Variants in ADGRE3 observed in about 807,000 individuals in gnomAD.
ADGRE3 encodes the protein EGF-like module receptor 3.
ADGRE3 carries 88 observed loss-of-function variants against 80.1 expected under a neutral mutation model. The observed-to-expected ratio is 1.10, with a 90% confidence interval of 0.93 to 1.31. ADGRE3 has a LOEUF of 1.31. Among genes scored for constraint, ADGRE3 ranks in the 40% most tolerant of loss-of-function variants. The pLI, the probability that ADGRE3 is intolerant of heterozygous loss-of-function variation, is 0.00. For missense variants in ADGRE3, 715 were observed against 776.5 expected (o/e 0.92, Z 0.94); for synonymous variants, 281 against 294.8 (o/e 0.95, Z 0.48).
At chr19:14,655,990 G>C (rs1483151536) in intron 5 of ADGRE3, among the ~76,000 whole-genome samples, 2 of 152,008 alleles carry the variant, frequency 1.3e-5, no homozygotes, top group Non-Finnish European at 1.5e-5. Context: ...CTTGCGCCAA[G>C]ATGAAGGACA....
chr19:14,605,829 C>G, the ADGRE3 span, among the ~76,000 whole-genome samples: 1 of 152,132 alleles, frequency 6.6e-6, no homozygotes, highest in Non-Finnish European at 1.5e-5. Context: ...GCCTTGAACT[C>G]CTGGGCTTAA....
intron 5 of ADGRE3, among the ~76,000 whole-genome samples, chr19:14,655,837 G>T (rs7255012): frequency 0.8 from 121,443 of 151,788 alleles, 49,212 homozygotes; most frequent in African/African-American, 0.94. Flanking sequence ...GGTTCTCAAC[G>T]GGGGGGTGAT....
intron 15 of ADGRE3, among the ~76,000 whole-genome samples, chr19:14,621,426 G>A (rs1363642711): frequency 6.6e-6 from 1 of 151,802 alleles, no homozygotes; most frequent in African/African-American, 2.4e-5. Flanking sequence ...CTGTATTCTA[G>A]CCTGGGTGAT....
the ADGRE3 span, among the ~76,000 whole-genome samples, chr19:14,611,371 C>CTT: frequency 9.2e-3 from 695 of 75,914 alleles, 9 homozygotes; most frequent in Admixed American, 0.015. Flanking sequence ...AACTTCTATC[C>CTT]TTTTTTTTTT....
At chr19:14,665,253 G>A (rs752136773) in intron 2 of ADGRE3, among the ~76,000 whole-genome samples, 2 of 151,422 alleles carry the variant, frequency 1.3e-5, no homozygotes, top group Admixed American at 6.6e-5. Context: ...TAGTAGAGGC[G>A]GGGGTTTCAC....
At chr19:14,620,281 A>G (rs1026844263) in intron 15 of ADGRE3, among the ~76,000 whole-genome samples, 1 of 151,302 alleles carries the variant, frequency 6.6e-6, no homozygotes, top group Admixed American at 6.7e-5. Flanking sequence ...CAAACTCCTG[A>G]CCTCAAGCGA....
At chr19:14,644,505 G>A (rs949563347) in intron 8 of ADGRE3, among the ~76,000 whole-genome samples, 1 of 151,942 alleles carries the variant, frequency 6.6e-6, no homozygotes, top group African/African-American at 2.4e-5. Flanking sequence ...ATTTTTTGTA[G>A]AGACAGGGTC....
chr19:14,673,353 T>C (rs533112356), intron 1 of ADGRE3, among the ~76,000 whole-genome samples: 1 of 152,336 alleles, frequency 6.6e-6, no homozygotes, highest in African/African-American at 2.4e-5. Context: ...GCTTAATAAA[T>C]GTAAGCTTTG....
the ADGRE3 span, chr19:14,610,712 A>C: frequency 6.4e-6 from 1 of 155,808 alleles, no homozygotes; most frequent in South Asian, 1.9e-4. Flanking sequence ...AAAGAGAGGG[A>C]GTCTCACTAT....
Position 14,632,953 on chromosome 19 carries a change from G to A in ADGRE3, c.1611C>T (p.Leu537=), listed in dbSNP as rs553905155. 1.9e-6 allele frequency: 3 copies of A among 1,613,720 alleles called. No homozygotes were observed. In the South Asian group the frequency reaches 3.3e-5, roughly 18 times the overall value. The change falls in exon 13 of 16, where the codon CTC becomes CTT. Residue 537 remains leucine (L), a synonymous_variant. Coordinates refer to ENST00000253673, the MANE Select transcript of ADGRE3 (RefSeq NM_032571.5). The stretch of plus-strand genomic sequence containing the variant: ...TCTGGATGGTTGACACTTCACTATT[G>A]AGGGAGGAAAGTTTTCTTTTCAAAA... The part of the protein sequence containing the change: ...FWILKRKLSS[L]NSEVSTIQNT...
rs978899534 is a variant in ADGRE3, at chr19:14,665,957, T to C, written c.77-2417A>G. Among the ~76,000 whole-genome samples the C allele has an allele frequency of 1.9e-4, 23 of 123,514 alleles. No individual in the cohort carries two copies. In the East Asian group the frequency reaches 4.0e-3, roughly 21 times the overall value. 81.0% of individuals were successfully genotyped at this position (123,514 alleles called of 152,430 possible). A position where few individuals can be genotyped will look rare whatever the true frequency, so the allele number is the denominator to read the frequency against. ...ATGTGTATATATATATATATATATA[T>C]ATATATATATATATATATATAGTGT... On this transcript the variant is annotated intron_variant, in intron 2 of 15. Coordinates refer to ENST00000253673, the MANE Select transcript of ADGRE3 (RefSeq NM_032571.5).
the ADGRE3 span, among the ~76,000 whole-genome samples, chr19:14,606,572 C>T: frequency 1.1e-4 from 17 of 150,734 alleles, no homozygotes; most frequent in East Asian, 1.8e-3. Flanking sequence ...CCCAGCTACT[C>T]GGGAGGTTGA....
At chr19:14,619,507 G>C in intron 15 of ADGRE3, 36 bp from the exon 16 acceptor site, 1 of 1,522,490 alleles carries the variant, frequency 6.6e-7, no homozygotes, top group Non-Finnish European at 9.1e-7. Flanking sequence ...TGGATGTAAG[G>C]GTAAAATAAA....
chr19:14,620,548 T>TATATATAATATATA lies in ADGRE3; in HGVS notation c.1921-1078_1921-1077insTATATATTATATAT. Among the ~76,000 whole-genome samples, 24 of 24,960 alleles carry TATATATAATATATA rather than the reference T, an allele frequency of 9.6e-4. 1 individual carries two copies. Among genetic ancestry groups the TATATATAATATATA allele is most frequent in the Admixed American group, 2.3e-3 (3 of 1,278 alleles). The allele number at this position is 24,960 out of a possible 152,430, so 16.4% of individuals were successfully genotyped here. On this transcript the variant is annotated intron_variant, in intron 15 of 15. Coordinates refer to ENST00000253673, the MANE Select transcript of ADGRE3 (RefSeq NM_032571.5). ...TGAATATATATATTTTATATATATA[T>TATATATAATATATA]TATATATATATATATATATATTTTT...
At chr19:14,655,224 C>T (rs898237218) in intron 5 of ADGRE3, 59 bp from the exon 6 acceptor site, 2 of 1,461,896 alleles carry the variant, frequency 1.4e-6, no homozygotes, top group Non-Finnish European at 1.9e-6. Flanking sequence ...GTCCCATATC[C>T]AAAAGAACAG....
At chr19:14,605,235 A>G in the ADGRE3 span, among the ~76,000 whole-genome samples, 1 of 151,898 alleles carries the variant, frequency 6.6e-6, no homozygotes, top group African/African-American at 2.4e-5. Flanking sequence ...GTAGCTGGGA[A>G]TACAGGCATG....
At chr19:14,662,139 T>G in intron 3 of ADGRE3, 21 bp from the exon 4 acceptor site, 1 of 1,612,760 alleles carries the variant, frequency 6.2e-7, no homozygotes, top group Non-Finnish European at 8.5e-7. Flanking sequence ...AAGAAGCAAT[T>G]GGGTCATTCA....
At chr19:14,640,843 A>G (rs1971227179) in intron 10 of ADGRE3, among the ~76,000 whole-genome samples, 1 of 151,832 alleles carries the variant, frequency 6.6e-6, no homozygotes. Context: ...CTGCTTTTGG[A>G]TCTTCCTCAT....
chr19:14,664,615 G>A (rs1422883999), intron 2 of ADGRE3, among the ~76,000 whole-genome samples: 3 of 152,084 alleles, frequency 2.0e-5, no homozygotes, highest in East Asian at 3.9e-4. Flanking sequence ...AGGCTGAAGC[G>A]GGAGGATTGC....
Sources: allele counts gnomAD v4.1 joint callset (sites outside exome capture counted in the v4.1 genomes callset), GRCh38; gene constraint gnomAD v4.1.1; transcripts MANE v1.5; gene names NCBI Gene and HGNC (gene_info 2026-07-23, HGNC 2026-07-21).